The following IQCE variants were observed in gnomAD, a reference collection of about 807,000 sequenced individuals.
The protein encoded by IQCE is IQ motif containing E, also known as IQ domain-containing protein E.
Under a neutral mutation model 96.0 loss-of-function variants are expected in IQCE, and 115 were observed. The observed-to-expected ratio is 1.20, with a 90% CI of 1.03 to 1.40. The LOEUF is 1.40. IQCE is among the 40% of genes most tolerant of loss of function. The pLI, the probability that IQCE is intolerant of heterozygous loss-of-function variation, is 0.00. For synonymous variants in IQCE, 412 were observed against 371.2 expected, an observed-to-expected ratio of 1.11 and a Z score of -1.26; for missense variants, 1,041 against 909.1, an observed-to-expected ratio of 1.15 and a Z score of -1.87.
chr7:2,603,951 C>T (rs192066378), intron 18 of IQCE, among the ~76,000 whole-genome samples: 19 of 150,878 alleles, frequency 1.3e-4, no homozygotes, highest in African/African-American at 3.2e-4. Context: ...AGTGCTTCCC[C>T]GAAAATGGAG....
At chr7:2,580,618 A>T (rs1253299186) in intron 8 of IQCE, among the ~76,000 whole-genome samples, 1 of 152,222 alleles carries the variant, frequency 6.6e-6, no homozygotes, top group Non-Finnish European at 1.5e-5. Flanking sequence ...GTCTCAAAAA[A>T]AAAAAAGTGT....
chr7:2,599,545 G>T lies in IQCE; in HGVS notation c.1608+913G>T, dbSNP rs936845663. Among the ~76,000 whole-genome samples the T allele has an allele frequency of 2.0e-4, 31 of 151,946 alleles. 1 individual carries two copies. Among genetic ancestry groups the T allele is most frequent in the Admixed American group, 1.7e-3 (26 of 15,250 alleles). On this transcript the variant is annotated intron_variant, in intron 17 of 21. Coordinates refer to ENST00000402050, the MANE Select transcript of IQCE (RefSeq NM_152558.5). ...AGGGTCTCACTCCATCACTCAGGCT[G>T]GAGTGCAGTGGCACAATCACAGCTC...
chr7:2,608,770 C>T (rs75264595), intron 21 of IQCE, among the ~76,000 whole-genome samples: 113 of 152,320 alleles, frequency 7.4e-4, no homozygotes, highest in Non-Finnish European at 1.4e-3. Context: ...AGTTCATCCC[C>T]GTGACCCAGG....
chr7:2,577,694 G>T (rs1782270778), intron 6 of IQCE, among the ~76,000 whole-genome samples: 1 of 87,500 alleles, frequency 1.1e-5, no homozygotes, highest in Non-Finnish European at 2.4e-5. Context: ...GCACGCATTG[G>T]CGTGTGCGTG....
Position 2,586,223 on chromosome 7 carries a change from G to C in IQCE, c.840G>C (p.Lys280Asn). ...GTTGTTCCAGGCCCCTGGGGGAGAA[G>C]AAGACGGGCGCCAAAAGGCAGAAGA... The part of the protein sequence containing the change: ...ETTGKKPLGE[K>N]KTGAKRQKKM... Residue 280 changes from lysine (K) to asparagine (N), a missense_variant, in exon 12 of 22, where the codon AAG becomes AAC. Coordinates refer to ENST00000402050, the MANE Select transcript of IQCE (RefSeq NM_152558.5). 1 of 1,613,826 alleles carries C rather than the reference G, an allele frequency of 6.2e-7. No homozygotes were observed. Among genetic ancestry groups the C allele is most frequent in the Non-Finnish European group, 8.5e-7 (1 of 1,179,920 alleles).
chr7:2,592,494 T>G (rs772188263), intron 14 of IQCE, among the ~76,000 whole-genome samples: 3 of 152,244 alleles, frequency 2.0e-5, no homozygotes, highest in Non-Finnish European at 2.9e-5. Flanking sequence ...TCACAGGCCC[T>G]GAGCAGTCGG....
chr7:2,590,065 G>A lies in IQCE; in HGVS notation c.1203G>A (p.Lys401=). 6.2e-7 allele frequency: 1 copy of A among 1,613,406 alleles called. No homozygotes were observed. The highest frequency in any genetic ancestry group is 1.1e-5 in the South Asian group (1 of 91,072). ...ERLRGAVRDL[K]EERTALQEQL... ...TCCGAGGGGCTGTGAGAGACCTGAA[G>A]GAAGAGCGGACCGCGCTGCAGGAGC... The change falls in exon 14 of 22, where the codon AAG becomes AAA. Residue 401 remains lysine, a synonymous_variant. Transcript: ENST00000402050.
At chr7:2,601,951 A>G (rs115911673) in intron 18 of IQCE, 1 of 162,328 alleles carries the variant, frequency 6.2e-6, no homozygotes, top group Non-Finnish European at 1.3e-5. Context: ...CCCACTTTCA[A>G]AATCTCTTCA....
chr7:2,586,177 C>G, intron 11 of IQCE, 31 bp from the exon 12 acceptor site: 1 of 1,598,580 alleles, frequency 6.3e-7, no homozygotes, highest in Non-Finnish European at 8.5e-7. Context: ...CTTAGCAATG[C>G]AAACCTCAGT....
At chr7:2,604,137 C>T (rs895242244) in intron 18 of IQCE, among the ~76,000 whole-genome samples, 11 of 106 alleles carry the variant, frequency 0.1, no homozygotes, top group African/African-American at 0.21. Context: ...TACAGGCATG[C>T]GCGCCACGTC....
intron 8 of IQCE, 140 bp from the exon 9 acceptor site, chr7:2,582,440 G>A (rs1782748671): frequency 4.2e-6 from 3 of 717,866 alleles, no homozygotes; most frequent in Non-Finnish European, 7.4e-6. Context: ...CCTCTTCCCT[G>A]GGCCCGTAGT....
intron 8 of IQCE, among the ~76,000 whole-genome samples, chr7:2,579,801 T>C (rs1322828170): frequency 6.6e-6 from 1 of 151,640 alleles, no homozygotes; most frequent in Non-Finnish European, 1.5e-5. Context: ...TGGCGTGCAG[T>C]GGCAGGATCA....
chr7:2,584,243 G>A lies in IQCE; in HGVS notation c.782G>A (p.Arg261His), dbSNP rs532551626. The change falls in exon 11 of 22, where the codon CGT (arginine) becomes CAT (histidine). Residue 261 changes from arginine to histidine, a missense_variant. Physicochemically the swap from Arg to His is conservative, Grantham distance 29 (BLOSUM62 0). Transcript: ENST00000402050. ...AMETYYEEVH[R>H]LQTLLASSET... is the part of the protein sequence containing the mutation. The stretch of plus-strand genomic sequence containing the variant: ...TCAATTTGGTATTTACAGGTGCATC[G>A]TCTCCAGACCCTCTTGGCAAGTTCT... 23 of 1,613,900 alleles carry A rather than the reference G, an allele frequency of 1.4e-5. No individual in the cohort carries two copies. Among genetic ancestry groups the A allele is most frequent in the South Asian group, 9.9e-5 (9 of 91,078 alleles).
chr7:2,588,873 C>G (rs1007799540), intron 13 of IQCE, among the ~76,000 whole-genome samples: 16 of 151,716 alleles, frequency 1.1e-4, no homozygotes, highest in African/African-American at 3.9e-4. Flanking sequence ...ACCATGTTGG[C>G]CAGACTGGTC....
At position 2,603,437 on chromosome 7, in the gene IQCE, G is replaced by A. The variant is rs559444279; in HGVS notation, c.1633-1444G>A. Among the ~76,000 whole-genome samples, 4 of 152,122 alleles carry A rather than the reference G, an allele frequency of 2.6e-5. No homozygotes were observed. In the South Asian group the frequency reaches 8.3e-4, roughly 32 times the overall value. On this transcript the variant is annotated intron_variant, in intron 18 of 21. Transcript: ENST00000402050. ...GGGGATCCGGGCTCCTTGTCCGATC[G>A]GCCAGTCAGTGGTGGGTGCCGTCTC... is the stretch of plus-strand genomic sequence containing the variant.
rs1013594173 is a variant in IQCE, at chr7:2,586,241, G to A, written c.858G>A (p.Arg286=). ...GGGAGAAGAAGACGGGCGCCAAAAG[G>A]CAGAAGAAGATGGGCAGTGCCCTCC... is the stretch of plus-strand genomic sequence containing the variant. ...PLGEKKTGAK[R]QKKMGSALLS... Residue 286 remains arginine (R), a synonymous_variant, in exon 12 of 22, where the codon AGG becomes AGA. Transcript: ENST00000402050. 1 of 1,613,974 alleles carries A rather than the reference G, an allele frequency of 6.2e-7. No homozygotes were observed. The highest frequency in any genetic ancestry group is 1.3e-5 in the African/African-American group (1 of 75,048).
At chr7:2,576,679 G>A (rs1562634160) in intron 6 of IQCE, among the ~76,000 whole-genome samples, 1 of 152,084 alleles carries the variant, frequency 6.6e-6, no homozygotes. Flanking sequence ...GATTACAGGG[G>A]TAAGCCACCG....
intron 3 of IQCE, 199 bp from the exon 4 acceptor site, chr7:2,571,327 C>A: frequency 1.6e-6 from 1 of 617,902 alleles, no homozygotes. Flanking sequence ...CCTCATTATG[C>A]TATTTCTTTA....
chr7:2,580,923 CT>C (rs1220350966), intron 8 of IQCE, among the ~76,000 whole-genome samples: 9 of 149,274 alleles, frequency 6.0e-5, no homozygotes, highest in African/African-American at 7.3e-5. Context: ...ATAACATCAT[CT>C]TTTTTTTTTG....
Sources: gnomAD v4.1 joint callset for allele counts (sites outside exome capture counted in the v4.1 genomes callset) on GRCh38, gnomAD v4.1.1 for gene constraint, MANE v1.5 for transcripts, NCBI Gene and HGNC (gene_info 2026-07-23, HGNC 2026-07-21) for gene names.